The following LIX1L variants were observed in gnomAD, a reference collection of about 807,000 sequenced individuals.
LIX1L encodes the protein LIX1-like protein.
Under a neutral mutation model 34.0 loss-of-function variants are expected in LIX1L, and 20 were observed. The ratio of observed to expected loss-of-function variants is 0.59; its 90% CI spans 0.41 to 0.85. The LOEUF (loss-of-function observed/expected upper bound fraction) is 0.85. Ranked by LOEUF, LIX1L falls within the 40% of genes least tolerant of loss-of-function variation. LIX1L has a pLI of 0.00. For synonymous variants in LIX1L, 170 were observed against 187.4 expected (o/e 0.91, Z 0.76); for missense variants, 397 against 447.0 (o/e 0.89, Z 1.01).
At chr1:145,944,521 TTGTC>T (rs1475009260) in intron 2 of LIX1L, 1 of 152,246 alleles carries the variant, frequency 6.6e-6, no homozygotes, top group Non-Finnish European at 1.5e-5. Flanking sequence ...CTGTTTCTAT[TTGTC>T]TGTTACTAGC....
At chr1:145,944,396 T>C (rs1343282669) in intron 2 of LIX1L, 2 of 152,176 alleles carry the variant, frequency 1.3e-5, no homozygotes, top group African/African-American at 4.8e-5. Flanking sequence ...ATGTGTTTAG[T>C]ACTTAAGCAT....
chr1:145,940,742 C>T (rs1286430925), intron 3 of LIX1L, among the ~76,000 whole-genome samples: 4 of 149,216 alleles, frequency 2.7e-5, no homozygotes, highest in Non-Finnish European at 5.9e-5. Context: ...TTAGTAGAGA[C>T]GGAGTTTCAC....
intron 1 of LIX1L, among the ~76,000 whole-genome samples, chr1:145,953,136 A>G (rs1649360986): frequency 6.6e-6 from 1 of 151,918 alleles, no homozygotes; most frequent in Non-Finnish European, 1.5e-5. Context: ...GGCTGGTCTC[A>G]AACCCTAAGG....
chr1:145,936,894 A>G lies in LIX1L; in HGVS notation c.771+14T>C. ...GTGCTCCCCTCATTCGCCCCCACTCATAAAATCTCTTACCTGCCGAGAGCA... is the reference window on the plus strand; with the variant it reads ...GTGCTCCCCTCATTCGCCCCCACTCGTAAAATCTCTTACCTGCCGAGAGCA... On this transcript the variant is annotated intron_variant, in intron 5 of 5. Coordinates refer to ENST00000604000, the MANE Select transcript of LIX1L (RefSeq NM_153713.3). 2 of 1,585,140 alleles carry G rather than the reference A, an allele frequency of 1.3e-6. No individual in the cohort carries two copies. Among genetic ancestry groups the G allele is most frequent in the Non-Finnish European group, 1.7e-6 (2 of 1,153,690 alleles).
chr1:145,944,540 T>G (rs1488313333), intron 2 of LIX1L: 2 of 152,438 alleles, frequency 1.3e-5, no homozygotes, highest in Non-Finnish European at 2.9e-5. Context: ...ACTAGCTTGC[T>G]GGCCTGCTCT....
chr1:145,957,881 C>T lies in LIX1L; in HGVS notation c.47G>A (p.Ser16Asn). The T allele has an allele frequency of 3.4e-6, 5 of 1,480,876 alleles. No individual in the cohort carries two copies. Among genetic ancestry groups the T allele is most frequent in the Non-Finnish European group, 4.5e-6 (5 of 1,119,086 alleles). The allele number at this position is 1,480,876 out of a possible 1,614,324, so 91.7% of individuals were successfully genotyped here. The stretch of plus-strand genomic sequence containing the variant: ...CAGCGCTCGGAGAGTGCCCCTCCCG[C>T]TGGTGCCCACACCAGGCTGCAGCCG... ...AQRLQPGVGT[S>N]GRGTLRALRP... The change falls in exon 1 of 6, where the codon AGC (serine) becomes AAC (asparagine). Residue 16 changes from serine (S) to asparagine (N), a missense_variant. Physicochemically the swap from Ser to Asn is conservative, Grantham distance 46. Around this residue, in one of 3 missense-constraint regions of LIX1L, gnomAD observed 207 missense variants for 205.2 expected, o/e 1.01. Coordinates refer to ENST00000604000, the MANE Select transcript of LIX1L (RefSeq NM_153713.3).
In LIX1L at chr1:145,933,658, G is replaced by C. The variant is rs1553757262; in HGVS notation, c.*2652C>G. ...CTTAATCCACACGTCCCAGAGAAAG[G>C]AGAAACAGGAGTGTTGATGAGTGCC... On this transcript the variant is annotated 3_prime_UTR_variant, in exon 6 of 6. Coordinates refer to ENST00000604000, the MANE Select transcript of LIX1L (RefSeq NM_153713.3). 1 of 152,172 alleles carries C rather than the reference G, an allele frequency of 6.6e-6. No homozygotes were observed. The highest frequency in any genetic ancestry group is 2.1e-4 in the South Asian group (1 of 4,822). 9.4% of individuals were successfully genotyped at this position (152,172 alleles called of 1,614,324 possible). A position where few individuals can be genotyped will look rare whatever the true frequency, so the allele number is the denominator to read the frequency against.
chr1:145,950,361 TTTG>T (rs1178702849), intron 1 of LIX1L: 28 of 152,082 alleles, frequency 1.8e-4, no homozygotes, highest in East Asian at 5.8e-4. Context: ...TAGTACAGTT[TTTG>T]TTGTTGTTGT....
Position 145,933,782 on chromosome 1 carries a change from C to T in LIX1L, c.*2528G>A, listed in dbSNP as rs1318508814. 6.6e-6 allele frequency: 1 copy of T among 151,992 alleles called. No individual in the cohort carries two copies. Among genetic ancestry groups the T allele is most frequent in the Non-Finnish European group, 1.5e-5 (1 of 67,992 alleles). The allele number at this position is 151,992 out of a possible 1,614,324, so 9.4% of individuals were successfully genotyped here. On this transcript the variant is annotated 3_prime_UTR_variant, in exon 6 of 6. Coordinates refer to ENST00000604000, the MANE Select transcript of LIX1L (RefSeq NM_153713.3). ...ATGGAATACAAACATGGGGCTTCTA[C>T]CCCAGCTCTCTTCTGATTAGTAAGA...
chr1:145,952,650 C>T (rs1000992049), intron 1 of LIX1L, among the ~76,000 whole-genome samples: 2 of 151,074 alleles, frequency 1.3e-5, no homozygotes, highest in Non-Finnish European at 2.9e-5. Flanking sequence ...CTTGCTCTGT[C>T]GCCCAGGCTG....
chr1:145,944,435 T>C (rs1553759015), intron 2 of LIX1L: 1 of 152,232 alleles, frequency 6.6e-6, no homozygotes. Context: ...CTAATTTCTA[T>C]TAACTGACAG....
At chr1:145,955,255 T>G (rs1649431406) in intron 1 of LIX1L, among the ~76,000 whole-genome samples, 1 of 152,224 alleles carries the variant, frequency 6.6e-6, no homozygotes, top group South Asian at 2.1e-4. Context: ...GCTGTGTGTG[T>G]ATCTTGGGTA....
intron 5 of LIX1L, 76 bp downstream of exon 5, chr1:145,936,832 A>C (rs1553757876): frequency 8.5e-6 from 9 of 1,059,102 alleles, no homozygotes; most frequent in Non-Finnish European, 1.2e-5. Flanking sequence ...CTTATTTCTA[A>C]CATAGTAACC....
At chr1:145,946,400 T>A (rs1271153691) in intron 2 of LIX1L, among the ~76,000 whole-genome samples, 1 of 151,986 alleles carries the variant, frequency 6.6e-6, no homozygotes, top group Non-Finnish European at 1.5e-5. Context: ...GGTTTCACCA[T>A]GTTGGTCAGG....
In LIX1L at chr1:145,948,614, T is replaced by C. The variant is rs1649186859; in HGVS notation, c.293-832A>G. On this transcript the variant is annotated intron_variant, in intron 1 of 5. Coordinates refer to ENST00000604000, the MANE Select transcript of LIX1L (RefSeq NM_153713.3). This position sits in a 1 kb window ranked among gnomAD's most constrained non-coding sequence, Gnocchi z 4.0. ...TTTTGAGGCTTTACCTGGGTATAAA[T>C]GTTTTTGGAGGAGCCATATGGTGAG... Among the ~76,000 whole-genome samples, 1 of 152,162 alleles carries C rather than the reference T, an allele frequency of 6.6e-6. No individual in the cohort carries two copies.
At chr1:145,936,747 AC>A (rs1338096475) in intron 5 of LIX1L, among the ~76,000 whole-genome samples, 160 bp downstream of exon 5, 9 of 152,140 alleles carry the variant, frequency 5.9e-5, no homozygotes, top group African/African-American at 2.2e-4. Flanking sequence ...TAATATTTAC[AC>A]AGGAAAGATT....
At chr1:145,940,128 G>A (rs1030051957) in intron 3 of LIX1L, 14 of 151,786 alleles carry the variant, frequency 9.2e-5, no homozygotes, top group African/African-American at 2.9e-4. Flanking sequence ...ACCACACCCA[G>A]CTAATTTTTA....
intron 3 of LIX1L, 98 bp from the exon 4 acceptor site, chr1:145,937,797 T>A: frequency 1.3e-6 from 1 of 753,024 alleles, no homozygotes; most frequent in Non-Finnish European, 2.3e-6. Flanking sequence ...GCCACATATT[T>A]AATTCAAAAT....
At chr1:145,936,806 A>G in intron 5 of LIX1L, 102 bp downstream of exon 5, 1 of 893,764 alleles carries the variant, frequency 1.1e-6, no homozygotes, top group Non-Finnish European at 1.9e-6. Context: ...ATTCACAACC[A>G]TAGGTCACAA....
Sources: gnomAD v4.1 joint callset for allele counts (sites outside exome capture counted in the v4.1 genomes callset) on GRCh38, gnomAD v4.1.1 for gene constraint, gnomAD v4.1.1 regional missense constraint, Gnocchi (gnomAD v3.1) non-coding constraint, MANE v1.5 for transcripts, NCBI Gene and HGNC (gene_info 2026-07-23, HGNC 2026-07-21) for gene names.